The following FHOD3 variants were observed in gnomAD, a reference collection of about 807,000 sequenced individuals.
The protein encoded by FHOD3 is FH1/FH2 domain-containing protein 3.
In FHOD3, 90 loss-of-function variants were observed where a neutral mutation model predicts 173.0. That is an observed-to-expected ratio of 0.52 (90% CI 0.44 to 0.62). FHOD3 has a LOEUF of 0.62. Ranked by LOEUF, FHOD3 falls within the 20% of genes least tolerant of loss-of-function variation. The pLI, the probability that FHOD3 is intolerant of heterozygous loss-of-function variation, is 0.00. For synonymous variants in FHOD3, 828 were observed against 823.0 expected (o/e 1.01, Z -0.10); for missense variants, 1,945 against 2,034.7 (o/e 0.96, Z 0.85).
chr18:36,596,124 A>G (rs1008873068), intron 7 of FHOD3, among the ~76,000 whole-genome samples: 6 of 151,662 alleles, frequency 4.0e-5, no homozygotes, highest in African/African-American at 1.5e-4. Context: ...GATTCAAACC[A>G]TTTGTGTCTG....
Position 36,388,391 on chromosome 18 carries a change from A to G in FHOD3, c.337+15647A>G, listed in dbSNP as rs539402082. On this transcript the variant is annotated intron_variant, in intron 3 of 28. Transcript: ENST00000590592. ...ACCCAGTCCCATGAGAAGGCCTAGGAGTCAGAGGGCCAGCCCAGTCCCACT... is the reference window on the plus strand; with the variant it reads ...ACCCAGTCCCATGAGAAGGCCTAGGGGTCAGAGGGCCAGCCCAGTCCCACT... Among the ~76,000 whole-genome samples the G allele has an allele frequency of 3.3e-5, 5 of 152,252 alleles. No individual in the cohort carries two copies. The South Asian group carries it at 1.0e-3, about 32-fold the overall frequency.
At chr18:36,500,710 AG>A (rs111304016) in intron 3 of FHOD3, among the ~76,000 whole-genome samples, 4 of 152,356 alleles carry the variant, frequency 2.6e-5, no homozygotes, top group African/African-American at 9.6e-5. Context: ...TGGTGATACC[AG>A]GTTTGGAATG....
At chr18:36,460,448 C>A (rs1223057573) in intron 3 of FHOD3, among the ~76,000 whole-genome samples, 3 of 152,210 alleles carry the variant, frequency 2.0e-5, no homozygotes, top group African/African-American at 4.8e-5. Flanking sequence ...CACACATCAC[C>A]ATGCAAACGT....
At chr18:36,321,213 C>G (rs1422794224) in intron 1 of FHOD3, among the ~76,000 whole-genome samples, 1 of 152,108 alleles carries the variant, frequency 6.6e-6, no homozygotes, top group Admixed American at 6.5e-5. Flanking sequence ...TGTGTCTGCC[C>G]AGGTGCATGG....
At chr18:36,349,569 T>C (rs1054963794) in intron 1 of FHOD3, among the ~76,000 whole-genome samples, 4 of 152,234 alleles carry the variant, frequency 2.6e-5, no homozygotes, top group Non-Finnish European at 4.4e-5. Context: ...AACGGTTCTG[T>C]GCAAATCTAT....
At chr18:36,372,545 C>A (rs778679496) in intron 2 of FHOD3, 135 bp from the exon 3 acceptor site, 4 of 603,640 alleles carry the variant, frequency 6.6e-6, no homozygotes, top group Non-Finnish European at 8.9e-6. Context: ...AGGATAGATT[C>A]TTATTCAGTG....
At chr18:36,591,993 C>T (rs1261457923) in intron 6 of FHOD3, among the ~76,000 whole-genome samples, 2 of 152,170 alleles carry the variant, frequency 1.3e-5, no homozygotes, top group African/African-American at 4.8e-5. Context: ...CCGAGGCAGG[C>T]AGATCACCTG....
intron 5 of FHOD3, among the ~76,000 whole-genome samples, chr18:36,547,280 A>G (rs918098924): frequency 1.3e-5 from 2 of 152,158 alleles, no homozygotes; most frequent in African/African-American, 2.4e-5. Flanking sequence ...TCTCCTTCCC[A>G]TCTCTCTCCA....
chr18:36,599,116 G>A (rs111584415), intron 7 of FHOD3, among the ~76,000 whole-genome samples: 74 of 152,284 alleles, frequency 4.9e-4, no homozygotes, highest in African/African-American at 1.6e-3. Flanking sequence ...CTTTCCTTAA[G>A]GTCTTCCCTG....
intron 1 of FHOD3, among the ~76,000 whole-genome samples, chr18:36,334,727 A>C (rs1201818648): frequency 6.6e-6 from 1 of 152,222 alleles, no homozygotes; most frequent in African/African-American, 2.4e-5. Flanking sequence ...TTCCTGGCCA[A>C]GACTGCTCTC....
chr18:36,687,405 A>G (rs181504609), intron 16 of FHOD3, among the ~76,000 whole-genome samples: 30 of 152,282 alleles, frequency 2.0e-4, no homozygotes, highest in African/African-American at 7.2e-4. Flanking sequence ...TCAAATGAGC[A>G]CGTTTATGTT....
intron 5 of FHOD3, among the ~76,000 whole-genome samples, chr18:36,529,613 G>C (rs1252449490): frequency 2.0e-5 from 3 of 152,010 alleles, no homozygotes; most frequent in Non-Finnish European, 4.4e-5. Context: ...GAGGTCAGGA[G>C]TTTGAGACCA....
chr18:36,627,465 C>T (rs555253173), intron 10 of FHOD3, among the ~76,000 whole-genome samples: 13 of 152,236 alleles, frequency 8.5e-5, no homozygotes, highest in African/African-American at 2.4e-4. Flanking sequence ...ATCCTGGGCA[C>T]GGTTCACAGT....
chr18:36,619,780 C>T (rs1028745162), intron 9 of FHOD3, among the ~76,000 whole-genome samples: 5 of 152,262 alleles, frequency 3.3e-5, no homozygotes, highest in African/African-American at 7.2e-5. Context: ...GATCTGAGAT[C>T]GCAAACATGT....
At chr18:36,621,025 A>C (rs193094863) in intron 9 of FHOD3, among the ~76,000 whole-genome samples, 26 of 152,334 alleles carry the variant, frequency 1.7e-4, no homozygotes, top group African/African-American at 6.3e-4. Flanking sequence ...TGCTGGAAAC[A>C]GGCCCAATTT....
chr18:36,376,059 G>C (rs1368020982), intron 3 of FHOD3, among the ~76,000 whole-genome samples: 1 of 152,166 alleles, frequency 6.6e-6, no homozygotes, highest in Non-Finnish European at 1.5e-5. Flanking sequence ...AGGTTAGCTA[G>C]AGAAAATAAA....
intron 2 of FHOD3, among the ~76,000 whole-genome samples, chr18:36,363,467 AAAAAG>A (rs1247767395): frequency 6.6e-6 from 1 of 152,234 alleles, no homozygotes; most frequent in African/African-American, 2.4e-5. Context: ...ATTTAGCAAT[AAAAAG>A]AAATGAGTGA....
intron 3 of FHOD3, among the ~76,000 whole-genome samples, chr18:36,414,243 C>T (rs896781912): frequency 6.6e-6 from 1 of 152,170 alleles, no homozygotes. Flanking sequence ...ACTTTAGCTG[C>T]TCCTCATGAC....
At chr18:36,689,652 A>AGT (rs2038837705) in intron 16 of FHOD3, among the ~76,000 whole-genome samples, 1 of 152,174 alleles carries the variant, frequency 6.6e-6, no homozygotes, top group Non-Finnish European at 1.5e-5. Flanking sequence ...AGAAAAAAGA[A>AGT]GTGTGTGTAG....
Sources: allele counts gnomAD v4.1 joint callset (sites outside exome capture counted in the v4.1 genomes callset), GRCh38; gene constraint gnomAD v4.1.1; transcripts MANE v1.5; gene names NCBI Gene and HGNC (gene_info 2026-07-23, HGNC 2026-07-21).